Variants in MGMT observed in about 807,000 individuals in gnomAD.
MGMT encodes the protein O-6-methylguanine-DNA methyltransferase.
In MGMT, 14 loss-of-function variants were observed where a neutral mutation model predicts 15.9. That is an observed-to-expected ratio of 0.88 (90% CI 0.58 to 1.37). The LOEUF is 1.37. Among genes scored for constraint, MGMT ranks in the 40% most tolerant of loss-of-function variants. The pLI is 0.00. For missense variants in MGMT, 282 were observed against 268.1 expected (o/e 1.05, Z -0.36); for synonymous variants, 130 against 118.2 (o/e 1.10, Z -0.65).
intron 2 of MGMT, among the ~76,000 whole-genome samples, chr10:129,631,060 A>G (rs1035347436): frequency 6.6e-6 from 1 of 152,222 alleles, no homozygotes; most frequent in African/African-American, 2.4e-5. Context: ...AAAGGCAGGA[A>G]AAGGAATTTG....
chr10:129,753,386 A>T (rs898420425), intron 3 of MGMT, among the ~76,000 whole-genome samples: 4 of 152,316 alleles, frequency 2.6e-5, no homozygotes, highest in Middle Eastern at 3.4e-3. Context: ...ACAAAATTTT[A>T]GCTATCGTTT....
chr10:129,749,573 G>T (rs1323957893), intron 3 of MGMT, among the ~76,000 whole-genome samples: 1 of 152,164 alleles, frequency 6.6e-6, no homozygotes, highest in Admixed American at 6.5e-5. Flanking sequence ...TAATAAAGCT[G>T]CTATAAACAT....
chr10:129,652,734 G>A (rs1847475917), intron 2 of MGMT, among the ~76,000 whole-genome samples: 2 of 152,146 alleles, frequency 1.3e-5, no homozygotes, highest in Admixed American at 1.3e-4. Context: ...CAGATGGCCG[G>A]CCGGCCTGCC....
intron 3 of MGMT, among the ~76,000 whole-genome samples, chr10:129,722,319 T>C (rs1848381830): frequency 1.3e-5 from 2 of 152,178 alleles, no homozygotes; most frequent in African/African-American, 4.8e-5. Context: ...AAGATTATTA[T>C]TTAAAGATAT....
intron 2 of MGMT, among the ~76,000 whole-genome samples, chr10:129,641,266 G>A (rs922480213): frequency 6.6e-6 from 1 of 152,062 alleles, no homozygotes; most frequent in Non-Finnish European, 1.5e-5. Flanking sequence ...ATATTTGCAG[G>A]ATATATATAC....
intron 1 of MGMT, among the ~76,000 whole-genome samples, chr10:129,496,936 G>A (rs988180020): frequency 6.6e-6 from 1 of 151,814 alleles, no homozygotes; most frequent in African/African-American, 2.4e-5. Flanking sequence ...CAAGTGATCC[G>A]CCTACCTCAG....
chr10:129,598,072 A>G (rs1846772133), intron 2 of MGMT, among the ~76,000 whole-genome samples: 1 of 152,060 alleles, frequency 6.6e-6, no homozygotes, highest in Admixed American at 6.5e-5. Flanking sequence ...GACTCGGTGC[A>G]CGTATTCAAT....
intron 2 of MGMT, among the ~76,000 whole-genome samples, chr10:129,681,466 T>C (rs944211145): frequency 2.0e-5 from 3 of 152,148 alleles, no homozygotes; most frequent in Non-Finnish European, 4.4e-5. Context: ...CCTGGAAACT[T>C]GTCAGAGCAG....
chr10:129,663,554 GA>G (rs976925412), intron 2 of MGMT, among the ~76,000 whole-genome samples: 8 of 152,002 alleles, frequency 5.3e-5, no homozygotes, highest in African/African-American at 1.7e-4. Flanking sequence ...TAGGTCCTTT[GA>G]AAAAAATTTA....
intron 2 of MGMT, among the ~76,000 whole-genome samples, chr10:129,617,857 G>C (rs140226971): frequency 6.6e-6 from 1 of 152,260 alleles, no homozygotes; most frequent in Non-Finnish European, 1.5e-5. Context: ...TGCATAGTCT[G>C]CAAAGTGTGC....
chr10:129,622,212 G>T (rs553819379), intron 2 of MGMT, among the ~76,000 whole-genome samples: 3 of 152,182 alleles, frequency 2.0e-5, no homozygotes, highest in Non-Finnish European at 4.4e-5. Context: ...GACCTGAATC[G>T]AATGATTAGC....
chr10:129,469,540 G>A (rs1051154155), intron 1 of MGMT, among the ~76,000 whole-genome samples: 2 of 152,062 alleles, frequency 1.3e-5, no homozygotes, highest in African/African-American at 2.4e-5. Flanking sequence ...TTCCGTTTGG[G>A]ACTCTAGTCC....
At chr10:129,759,366 G>A (rs777814581) in intron 4 of MGMT, 25 bp downstream of exon 4, 1 of 1,613,724 alleles carries the variant, frequency 6.2e-7, no homozygotes, top group Non-Finnish European at 8.5e-7. Context: ...CGCAAGCATG[G>A]CTGTGGGTGG....
At chr10:129,544,100 G>C (rs1018606715) in intron 2 of MGMT, among the ~76,000 whole-genome samples, 1 of 152,122 alleles carries the variant, frequency 6.6e-6, no homozygotes, top group Non-Finnish European at 1.5e-5. Flanking sequence ...CCTCTGTTCG[G>C]CTCTGTTTGT....
chr10:129,560,986 T>TGC (rs1239116060), intron 2 of MGMT, among the ~76,000 whole-genome samples: 3,618 of 134,970 alleles, frequency 0.027, 149 homozygotes, highest in African/African-American at 0.084. Context: ...TGTGTGTGTG[T>TGC]GTGTGTGTGT....
At chr10:129,699,973 C>T (rs992414548) in intron 2 of MGMT, among the ~76,000 whole-genome samples, 3 of 152,116 alleles carry the variant, frequency 2.0e-5, no homozygotes, top group South Asian at 2.1e-4. Flanking sequence ...ATACATTACT[C>T]ATACCTGTCA....
chr10:129,631,752 A>G (rs1439500489), intron 2 of MGMT, among the ~76,000 whole-genome samples: 1 of 152,196 alleles, frequency 6.6e-6, no homozygotes, highest in Non-Finnish European at 1.5e-5. Flanking sequence ...TGAGCCTGGG[A>G]GTTGGAGGCT....
chr10:129,719,200 C>T (rs1361647457), intron 3 of MGMT, among the ~76,000 whole-genome samples: 1 of 152,222 alleles, frequency 6.6e-6, no homozygotes, highest in East Asian at 1.9e-4. Context: ...TGTCACCTTC[C>T]CGGGCTGTCT....
intron 2 of MGMT, among the ~76,000 whole-genome samples, chr10:129,652,617 G>A (rs1564749160): frequency 6.6e-6 from 1 of 152,234 alleles, no homozygotes; most frequent in Non-Finnish European, 1.5e-5. Flanking sequence ...CTGACACGGT[G>A]CTGTCCCCCG....
Sources: allele counts gnomAD v4.1 joint callset (sites outside exome capture counted in the v4.1 genomes callset), GRCh38; gene constraint gnomAD v4.1.1; transcripts MANE v1.5; gene names NCBI Gene and HGNC (gene_info 2026-07-23, HGNC 2026-07-21).